MYO10: variants seen among roughly 807,000 people sequenced by gnomAD.
MYO10 encodes the protein myosin X, also known as unconventional myosin-X.
In MYO10, 133 loss-of-function variants were observed where a neutral mutation model predicts 257.3. The observed-to-expected ratio is 0.52, with a 90% CI of 0.45 to 0.60. The LOEUF is 0.60. MYO10 is among the 20% of genes least tolerant of loss of function. The pLI is 0.00. For missense variants in MYO10, 2,399 were observed against 2,635.7 expected (o/e 0.91, Z 1.97); for synonymous variants, 1,104 against 1,028.6 (o/e 1.07, Z -1.40).
chr5:16,856,598 G>T (rs1356417869), intron 2 of MYO10, among the ~76,000 whole-genome samples: 2 of 152,050 alleles, frequency 1.3e-5, no homozygotes, highest in Non-Finnish European at 2.9e-5. Flanking sequence ...TATTTTAAAG[G>T]TATCAATGAA....
rs34138785 is a variant in MYO10 at position 16,889,189 on chromosome 5, TAAAAAAAA to T, written c.22-11490_22-11483del. Among the ~76,000 whole-genome samples the T allele has an allele frequency of 6.1e-4, 36 of 59,170 alleles. 1 individual carries two copies. The highest frequency in any genetic ancestry group is 2.3e-3 in the African/African-American group (32 of 13,902). The allele number at this position is 59,170 out of a possible 152,430, so 38.8% of individuals were successfully genotyped here. A position where few individuals can be genotyped will look rare whatever the true frequency, so the allele number is the denominator to read the frequency against. Reference sequence around the variant, plus strand: ...CCCTGCCTCAAAATTTAAAAAAATTTAAAAAAAAAAAAAAAAAATCAGCCTGGCCAACA... The same window carrying T: ...CCCTGCCTCAAAATTTAAAAAAATTTAAAAAAAAAATCAGCCTGGCCAACA... On this transcript the variant is annotated intron_variant, in intron 1 of 40. Transcript: ENST00000513610.
Position 16,870,031 on chromosome 5 carries a change from C to T in MYO10, c.120+7578G>A, listed in dbSNP as rs540279375. Among the ~76,000 whole-genome samples the T allele has an allele frequency of 5.6e-4, 84 of 151,340 alleles. 1 individual carries two copies. The highest frequency in any genetic ancestry group is 2.0e-3 in the African/African-American group (83 of 40,856). ...AATACACTGTGATCTCCTGACACCC[C>T]GTGTTTCTGAGGTTCCATTTTAGGA... On this transcript the variant is annotated intron_variant, in intron 2 of 40. Coordinates refer to ENST00000513610, the MANE Select transcript of MYO10 (RefSeq NM_012334.3).
At chr5:16,675,682 G>A (rs1736691064) in intron 34 of MYO10, among the ~76,000 whole-genome samples, 1 of 152,090 alleles carries the variant, frequency 6.6e-6, no homozygotes, top group South Asian at 2.1e-4. Context: ...ATGTTGCAGT[G>A]AACCAAGATT....
intron 26 of MYO10, among the ~76,000 whole-genome samples, chr5:16,696,035 G>C (rs1387210433): frequency 6.6e-6 from 1 of 152,180 alleles, no homozygotes; most frequent in Non-Finnish European, 1.5e-5. Context: ...CAAGCCTGGA[G>C]GAAAACTGTG....
intron 2 of MYO10, among the ~76,000 whole-genome samples, chr5:16,824,453 A>G (rs1182607400): frequency 6.6e-6 from 1 of 152,214 alleles, no homozygotes. Context: ...TACTACCCAA[A>G]ATGACAATAG....
At chr5:16,908,561 T>A (rs1745576349) in intron 1 of MYO10, among the ~76,000 whole-genome samples, 1 of 152,112 alleles carries the variant, frequency 6.6e-6, no homozygotes, top group Non-Finnish European at 1.5e-5. Flanking sequence ...GGTAAACCAA[T>A]TAAAAACAGA....
rs26317 is a variant in MYO10 at position 16,666,071 on chromosome 5, A to G, written c.*621T>C. On this transcript the variant is annotated 3_prime_UTR_variant, in exon 41 of 41. Coordinates refer to ENST00000513610, the MANE Select transcript of MYO10 (RefSeq NM_012334.3). ...TTAATGCTCATGAAACCATGATTAAAGTGTTGAGTTTATGAACACATGCAC... is the reference window on the plus strand; with the variant it reads ...TTAATGCTCATGAAACCATGATTAAGGTGTTGAGTTTATGAACACATGCAC... 57,877 of 152,588 alleles carry G rather than the reference A, an allele frequency of 0.38. 11,472 individuals are homozygous for G. Among genetic ancestry groups the G allele is most frequent in the South Asian group, 0.58 (2,809 of 4,814 alleles). 9.5% of individuals were successfully genotyped at this position (152,588 alleles called of 1,614,324 possible).
chr5:16,826,337 T>C (rs999909396), intron 2 of MYO10, among the ~76,000 whole-genome samples: 1 of 152,108 alleles, frequency 6.6e-6, no homozygotes, highest in Non-Finnish European at 1.5e-5. Context: ...AAAATAAGGA[T>C]GATGATCAGA....
At chr5:16,871,623 A>G (rs1478759561) in intron 2 of MYO10, among the ~76,000 whole-genome samples, 1 of 152,052 alleles carries the variant, frequency 6.6e-6, no homozygotes, top group African/African-American at 2.4e-5. Flanking sequence ...AAAAAAATCT[A>G]TCCCTGGCCA....
rs370829048 is a variant in MYO10 at position 16,701,392 on chromosome 5, G to A, written c.3003C>T (p.Asp1001=). 3.0e-5 allele frequency: 48 copies of A among 1,613,870 alleles called. No individual in the cohort carries two copies. The highest frequency in any genetic ancestry group is 5.5e-5 in the South Asian group (5 of 91,078). ...GGTTGGGGGAGTCCTTGAAGGCGTC[G>A]TCGTCGGCTTCGAAGCCCTCATCGA... ...EEVDEGFEAD[D]DAFKDSPNPS... Residue 1001 remains aspartate (D), a synonymous_variant, in exon 25 of 41, where the codon GAC becomes GAT. Coordinates refer to ENST00000513610, the MANE Select transcript of MYO10 (RefSeq NM_012334.3). This position sits in a 1 kb window ranked among gnomAD's most constrained non-coding sequence, Gnocchi z 8.1.
chr5:16,685,804 G>C lies in MYO10; in HGVS notation c.3924C>G (p.Val1308=). The C allele has an allele frequency of 6.2e-7, 1 of 1,602,702 alleles. No homozygotes were observed. The highest frequency in any genetic ancestry group is 8.5e-7 in the Non-Finnish European group (1 of 1,175,008). Residue 1308 remains valine (V), a synonymous_variant, in exon 29 of 41, where the codon GTC becomes GTG. Transcript: ENST00000513610. The part of the protein sequence containing the change: ...ASQWFSVLSQ[V]HASTDQEIQE... Reference sequence around the variant, plus strand: ...GGATCTCCTGGTCCGTGGACGCGTGGACCTGACTCAGCACGCTGAACCACT... The same window carrying C: ...GGATCTCCTGGTCCGTGGACGCGTGCACCTGACTCAGCACGCTGAACCACT...
chr5:16,672,989 A>G (rs953602993), intron 36 of MYO10, among the ~76,000 whole-genome samples, 164 bp from the exon 37 acceptor site: 2 of 152,014 alleles, frequency 1.3e-5, no homozygotes, highest in Non-Finnish European at 2.9e-5. Flanking sequence ...CAAAAGTACT[A>G]TTTTCCCTTT....
Position 16,663,326 on chromosome 5 carries a change from T to C in MYO10, c.*3366A>G, listed in dbSNP as rs1422094009. 1 of 101,472 alleles carries C rather than the reference T, an allele frequency of 9.9e-6. No individual in the cohort carries two copies. Among genetic ancestry groups the C allele is most frequent in the Non-Finnish European group, 1.9e-5 (1 of 51,792 alleles). The allele number at this position is 101,472 out of a possible 1,614,324, so 6.3% of individuals were successfully genotyped here. ...GAAAAAAGTAACATTTTACTTCTAGTTGTTTTTTTTTTTTTTTTTTTTTTT... is the reference window on the plus strand; with the variant it reads ...GAAAAAAGTAACATTTTACTTCTAGCTGTTTTTTTTTTTTTTTTTTTTTTT... On this transcript the variant is annotated 3_prime_UTR_variant, in exon 41 of 41. Transcript: ENST00000513610.
chr5:16,674,787 A>T (rs1736646629), intron 35 of MYO10, 66 bp downstream of exon 35: 8 of 1,558,612 alleles, frequency 5.1e-6, no homozygotes, highest in Non-Finnish European at 7.0e-6. Context: ...TATCTGAACG[A>T]GGACCCAGTG....
At position 16,818,046 on chromosome 5, in the gene MYO10, T is replaced by A; in HGVS notation, c.242A>T (p.Tyr81Phe). ...TCTCTTATACCGCTGGAATAAGTTA[T>A]ACATGATGGAGCCGCCATGGAGCTC... is the stretch of plus-strand genomic sequence containing the variant. ...LTELHGGSIM[Y>F]NLFQRYKRNQ... The change falls in exon 3 of 41, where the codon TAT (tyrosine) becomes TTT (phenylalanine). Residue 81 changes from tyrosine (Y) to phenylalanine (F), a missense_variant. By Grantham distance (22) the Tyr-to-Phe change is conservative. Transcript: ENST00000513610. 3 of 1,604,678 alleles carry A rather than the reference T, an allele frequency of 1.9e-6. No homozygotes were observed. The highest frequency in any genetic ancestry group is 2.6e-6 in the Non-Finnish European group (3 of 1,174,696).
intron 19 of MYO10, among the ~76,000 whole-genome samples, chr5:16,714,338 G>T (rs1738754650): frequency 6.6e-6 from 1 of 152,134 alleles, no homozygotes; most frequent in South Asian, 2.1e-4. Flanking sequence ...AACCTGGCAG[G>T]TTCAGTCAAC....
intron 1 of MYO10, among the ~76,000 whole-genome samples, chr5:16,928,867 A>AACAC (rs150327838): frequency 6.6e-6 from 1 of 150,996 alleles, no homozygotes; most frequent in South Asian, 2.1e-4. Flanking sequence ...CAACAACAAA[A>AACAC]ACACACACAC....
intron 19 of MYO10, among the ~76,000 whole-genome samples, chr5:16,718,801 ACT>A (rs1739016485): frequency 6.6e-6 from 1 of 151,858 alleles, no homozygotes; most frequent in African/African-American, 2.4e-5. Context: ...ACCAATCAAC[ACT>A]CTGTATCTAG....
chr5:16,878,551 A>T (rs1318994993), intron 1 of MYO10, among the ~76,000 whole-genome samples: 4 of 152,202 alleles, frequency 2.6e-5, no homozygotes, highest in African/African-American at 9.6e-5. Context: ...TCTTCCTTTG[A>T]TTTAATCACA....
Sources: allele counts gnomAD v4.1 joint callset (sites outside exome capture counted in the v4.1 genomes callset), GRCh38; gene constraint gnomAD v4.1.1; non-coding constraint Gnocchi (gnomAD v3.1); transcripts MANE v1.5; gene names NCBI Gene and HGNC (gene_info 2026-07-23, HGNC 2026-07-21).